The following PRELID2 variants were observed in gnomAD, a reference collection of about 807,000 sequenced individuals.
PRELID2 encodes PRELI domain containing 2.
Under a neutral mutation model 28.4 loss-of-function variants are expected in PRELID2, and 25 were observed. The ratio of observed to expected loss-of-function variants is 0.88; its 90% CI spans 0.64 to 1.23. PRELID2 has a LOEUF of 1.23. PRELID2 is among the 50% of genes most tolerant of loss of function. PRELID2 has a pLI of 0.00. For missense variants in PRELID2, 201 were observed against 214.4 expected (o/e 0.94, Z 0.39); for synonymous variants, 76 against 71.6 (o/e 1.06, Z -0.31).
At chr5:145,745,113 A>G (rs942817917) in intron 1 of PRELID2, among the ~76,000 whole-genome samples, 20 of 151,970 alleles carry the variant, frequency 1.3e-4, no homozygotes, top group African/African-American at 4.3e-4. Context: ...AGGATATCAG[A>G]GTTTGAAGAC....
intron 1 of PRELID2, among the ~76,000 whole-genome samples, chr5:145,510,746 G>T (rs762823257): frequency 2.8e-4 from 43 of 152,278 alleles, no homozygotes; most frequent in Non-Finnish European, 5.1e-4. Context: ...CTCTTACTGG[G>T]CATGCTGGGA....
the PRELID2 span, among the ~76,000 whole-genome samples, chr5:145,263,456 T>A: frequency 2.0e-5 from 3 of 150,386 alleles, no homozygotes; most frequent in Non-Finnish European, 4.4e-5. Flanking sequence ...TCTCAACAAA[T>A]TTAAGAAAAT....
chr5:145,396,064 T>A, the PRELID2 span, among the ~76,000 whole-genome samples: 1 of 152,194 alleles, frequency 6.6e-6, no homozygotes, highest in African/African-American at 2.4e-5. Flanking sequence ...AACAGAAACT[T>A]GGTTAAGTAT....
chr5:145,592,495 T>C (rs1419234257), intron 1 of PRELID2, among the ~76,000 whole-genome samples: 3 of 150,960 alleles, frequency 2.0e-5, no homozygotes, highest in South Asian at 4.2e-4. Flanking sequence ...CACACACACA[T>C]TGCTATGGAG....
At chr5:145,376,599 G>C in the PRELID2 span, among the ~76,000 whole-genome samples, 1 of 152,062 alleles carries the variant, frequency 6.6e-6, no homozygotes, top group Non-Finnish European at 1.5e-5. Flanking sequence ...TAGGGATTCA[G>C]TTCTTCCTGG....
chr5:145,261,801 T>C, the PRELID2 span, among the ~76,000 whole-genome samples: 8 of 152,020 alleles, frequency 5.3e-5, no homozygotes, highest in African/African-American at 1.9e-4. Flanking sequence ...CCCCAAAAGA[T>C]CACACTAGCT....
the PRELID2 span, among the ~76,000 whole-genome samples, chr5:145,290,044 A>G: frequency 2.2e-3 from 332 of 152,314 alleles, 2 homozygotes; most frequent in African/African-American, 7.7e-3. Flanking sequence ...TCAAAACCAC[A>G]ATGAGATACC....
chr5:145,243,838 C>CA, the PRELID2 span, among the ~76,000 whole-genome samples: 7 of 152,186 alleles, frequency 4.6e-5, no homozygotes, highest in South Asian at 2.1e-4. Flanking sequence ...CCTAGGGGAT[C>CA]AAAAAGAAGA....
chr5:145,404,027 A>G, the PRELID2 span, among the ~76,000 whole-genome samples: 8 of 152,164 alleles, frequency 5.3e-5, no homozygotes, highest in Admixed American at 2.6e-4. Flanking sequence ...GTACCAAACC[A>G]TCTCATTTGT....
chr5:145,373,919 T>C, the PRELID2 span, among the ~76,000 whole-genome samples: 1 of 139,330 alleles, frequency 7.2e-6, no homozygotes, highest in East Asian at 2.1e-4. Context: ...ATATATATGA[T>C]ATTATATATT....
intron 1 of PRELID2, among the ~76,000 whole-genome samples, chr5:145,576,180 A>G (rs1037350393): frequency 2.0e-5 from 3 of 152,148 alleles, no homozygotes; most frequent in Admixed American, 6.6e-5. Context: ...ATTTTTTGGT[A>G]CATTCACAGA....
intron 1 of PRELID2, among the ~76,000 whole-genome samples, chr5:145,825,331 G>T (rs1490478694): frequency 6.0e-5 from 9 of 150,172 alleles, no homozygotes; most frequent in Non-Finnish European, 1.2e-4. Flanking sequence ...AGAGGGTCAG[G>T]TTTAGATACT....
chr5:145,762,733 C>T (rs920462993), intron 6 of PRELID2, among the ~76,000 whole-genome samples: 1 of 151,954 alleles, frequency 6.6e-6, no homozygotes, highest in East Asian at 1.9e-4. Flanking sequence ...ATTTAAGCAA[C>T]AAAAAAGGGG....
intron 1 of PRELID2, among the ~76,000 whole-genome samples, chr5:145,662,073 G>A (rs143743608): frequency 1.4e-3 from 207 of 151,986 alleles, no homozygotes; most frequent in African/African-American, 4.7e-3. Context: ...TTAATATCTC[G>A]GGGTCCAATG....
At chr5:145,366,457 C>A in the PRELID2 span, among the ~76,000 whole-genome samples, 2 of 151,786 alleles carry the variant, frequency 1.3e-5, no homozygotes, top group African/African-American at 2.4e-5. Context: ...CAAATCCCCC[C>A]AAATAAGCTA....
chr5:145,511,230 A>G (rs1203868687), intron 1 of PRELID2, among the ~76,000 whole-genome samples: 1 of 152,246 alleles, frequency 6.6e-6, no homozygotes, highest in Non-Finnish European at 1.5e-5. Context: ...GATCTTCAAG[A>G]AATGCACATG....
At chr5:145,232,529 T>C in the PRELID2 span, among the ~76,000 whole-genome samples, 13 of 152,182 alleles carry the variant, frequency 8.5e-5, no homozygotes, top group Admixed American at 2.0e-4. Context: ...TAAGGTCTTG[T>C]TGAGTCTTTC....
the PRELID2 span, among the ~76,000 whole-genome samples, chr5:145,230,579 A>C: frequency 6.6e-6 from 1 of 152,098 alleles, no homozygotes; most frequent in African/African-American, 2.4e-5. Flanking sequence ...ACTCTGTCTC[A>C]AAAAAATAAA....
intron 1 of PRELID2, among the ~76,000 whole-genome samples, chr5:145,650,515 G>A (rs1185989179): frequency 3.5e-5 from 4 of 113,860 alleles, no homozygotes; most frequent in East Asian, 2.8e-4. Context: ...TGAGCATATC[G>A]AATCGCACAT....
Sources: gnomAD v4.1 joint callset for allele counts (sites outside exome capture counted in the v4.1 genomes callset) on GRCh38, gnomAD v4.1.1 for gene constraint, MANE v1.5 for transcripts, NCBI Gene and HGNC (gene_info 2026-07-23, HGNC 2026-07-21) for gene names.